PTPN4: variants seen among roughly 807,000 people sequenced by gnomAD.
PTPN4 encodes tyrosine-protein phosphatase non-receptor type 4.
In PTPN4, 49 loss-of-function variants were observed where a neutral mutation model predicts 135.5. The observed-to-expected ratio is 0.36, with a 90% CI of 0.29 to 0.46. The LOEUF is 0.46. Ranked by LOEUF, PTPN4 falls within the 20% of genes least tolerant of loss-of-function variation. The pLI is 1.00. For synonymous variants in PTPN4, 333 were observed against 369.9 expected (o/e 0.90, Z 1.14); for missense variants, 860 against 1,101.0 (o/e 0.78, Z 3.10).
chr2:119,824,286 G>C (rs1677114365), intron 2 of PTPN4, among the ~76,000 whole-genome samples: 1 of 152,106 alleles, frequency 6.6e-6, no homozygotes, highest in East Asian at 1.9e-4. Context: ...TTTTTGGGGG[G>C]GAGGCAGGGC....
rs201593836 is a variant in PTPN4 at position 119,946,293 on chromosome 2, G to C, written c.1516-48G>C. 246 of 1,394,820 alleles carry C rather than the reference G, an allele frequency of 1.8e-4. No individual in the cohort carries two copies. The African/African-American group carries it at 2.8e-3, about 16-fold the overall frequency. The allele number at this position is 1,394,820 out of a possible 1,614,324, so 86.4% of individuals were successfully genotyped here. Reference sequence around the variant, plus strand: ...ATGCTTCCTATATATCTGAAGAATAGATTTTAAGTGAAGAAAATTACAAGT... The same window carrying C: ...ATGCTTCCTATATATCTGAAGAATACATTTTAAGTGAAGAAAATTACAAGT... On this transcript the variant is annotated intron_variant, in intron 16 of 26. Transcript: ENST00000263708.
intron 2 of PTPN4, among the ~76,000 whole-genome samples, chr2:119,849,225 T>C (rs1274762152): frequency 2.6e-5 from 4 of 152,222 alleles, no homozygotes; most frequent in Non-Finnish European, 5.9e-5. Flanking sequence ...TGTTACCTGC[T>C]ATTTTTCTTC....
chr2:119,936,176 G>T (rs1021783643), intron 15 of PTPN4, among the ~76,000 whole-genome samples: 9 of 152,120 alleles, frequency 5.9e-5, no homozygotes, highest in Admixed American at 4.6e-4. Context: ...CTAATTTTGT[G>T]TATCTTTAGT....
chr2:119,906,554 A>C (rs1054638664), intron 10 of PTPN4, among the ~76,000 whole-genome samples: 2 of 152,222 alleles, frequency 1.3e-5, no homozygotes, highest in African/African-American at 4.8e-5. Context: ...AACAGATTGA[A>C]AACCAAAAAC....
intron 2 of PTPN4, among the ~76,000 whole-genome samples, chr2:119,848,630 T>A (rs1376488837): frequency 6.6e-6 from 1 of 152,126 alleles, no homozygotes; most frequent in African/African-American, 2.4e-5. Flanking sequence ...AGACAGAGTC[T>A]CACTCTGTCA....
chr2:119,932,526 A>G lies in PTPN4; in HGVS notation c.1173A>G (p.Arg391=). 6.2e-7 allele frequency: 1 copy of G among 1,611,964 alleles called. No homozygotes were observed. The highest frequency in any genetic ancestry group is 1.1e-5 in the South Asian group (1 of 90,646). The change falls in exon 14 of 27, where the codon CGA becomes CGG. Residue 391 remains arginine, a synonymous_variant. Transcript: ENST00000263708. ...DRLETQSLPS[R]SPPGTPNHRN... ...TAGAAACACAAAGTCTTCCATCACG[A>G]TCTCCACCGGGAACTCCTAATCAGT...
At chr2:119,929,542 A>G (rs1678871147) in intron 13 of PTPN4, among the ~76,000 whole-genome samples, 1 of 152,132 alleles carries the variant, frequency 6.6e-6, no homozygotes, top group Non-Finnish European at 1.5e-5. Flanking sequence ...CAGTTGTCAT[A>G]TAATATATCT....
At chr2:119,939,096 A>G (rs1679026802) in intron 15 of PTPN4, among the ~76,000 whole-genome samples, 1 of 152,242 alleles carries the variant, frequency 6.6e-6, no homozygotes, top group Non-Finnish European at 1.5e-5. Context: ...TGCTATAAGC[A>G]TATAATAATT....
chr2:119,853,405 T>C (rs1177991773), intron 2 of PTPN4, among the ~76,000 whole-genome samples: 6 of 152,168 alleles, frequency 3.9e-5, no homozygotes, highest in Non-Finnish European at 7.4e-5. Context: ...AATTTCATTT[T>C]TGTTTTTATA....
intron 2 of PTPN4, among the ~76,000 whole-genome samples, chr2:119,847,778 T>TC (rs1262771420): frequency 1.3e-5 from 2 of 152,226 alleles, no homozygotes; most frequent in African/African-American, 4.8e-5. Context: ...CAACAAATAC[T>TC]CTCAGTATTC....
At chr2:119,951,226 A>G (rs1276517584) in intron 18 of PTPN4, among the ~76,000 whole-genome samples, 6 of 152,268 alleles carry the variant, frequency 3.9e-5, no homozygotes, top group Admixed American at 1.3e-4. Flanking sequence ...AATATCTCCA[A>G]AAGTTCCTTT....
At chr2:119,960,007 T>TA (rs1358039615) in intron 22 of PTPN4, among the ~76,000 whole-genome samples, 61 of 152,188 alleles carry the variant, frequency 4.0e-4, no homozygotes, top group Non-Finnish European at 6.9e-4. Flanking sequence ...ATATATAGTA[T>TA]ACTACCATTT....
chr2:119,889,369 G>A (rs762235471), intron 9 of PTPN4, among the ~76,000 whole-genome samples: 55 of 152,232 alleles, frequency 3.6e-4, no homozygotes, highest in Admixed American at 7.8e-4. Context: ...GCAGTGAGCC[G>A]AGATGGCGCC....
chr2:119,938,620 C>T (rs1220174718), intron 15 of PTPN4, among the ~76,000 whole-genome samples: 2 of 151,930 alleles, frequency 1.3e-5, no homozygotes, highest in African/African-American at 4.8e-5. Context: ...GCTTTCTGTT[C>T]ATTAAAATAT....
chr2:119,826,052 T>G (rs1056890917), intron 2 of PTPN4, among the ~76,000 whole-genome samples: 3 of 152,216 alleles, frequency 2.0e-5, no homozygotes, highest in Non-Finnish European at 4.4e-5. Context: ...CACCTCAATT[T>G]TATAGGTCTG....
chr2:119,891,580 C>G (rs1474214384), intron 9 of PTPN4, among the ~76,000 whole-genome samples: 1 of 152,174 alleles, frequency 6.6e-6, no homozygotes, highest in Non-Finnish European at 1.5e-5. Flanking sequence ...CCACCTTGGC[C>G]TCCCAAAATG....
chr2:119,782,565 T>A (rs1690960932), intron 1 of PTPN4, among the ~76,000 whole-genome samples: 1 of 151,974 alleles, frequency 6.6e-6, no homozygotes, highest in South Asian at 2.1e-4. Flanking sequence ...AAGTTGAGGT[T>A]CAGAAAAATG....
chr2:119,845,732 A>G (rs550549405), intron 2 of PTPN4, among the ~76,000 whole-genome samples: 1 of 151,826 alleles, frequency 6.6e-6, no homozygotes, highest in African/African-American at 2.4e-5. Context: ...TTCTGCACTA[A>G]CTTTTCTTTC....
At chr2:119,824,133 T>C (rs941652505) in intron 2 of PTPN4, among the ~76,000 whole-genome samples, 1 of 152,232 alleles carries the variant, frequency 6.6e-6, no homozygotes, top group Non-Finnish European at 1.5e-5. Context: ...TAATGATTTC[T>C]ATTTCAATTC....
Sources: allele counts gnomAD v4.1 joint callset (sites outside exome capture counted in the v4.1 genomes callset), GRCh38; gene constraint gnomAD v4.1.1; transcripts MANE v1.5; gene names NCBI Gene and HGNC (gene_info 2026-07-23, HGNC 2026-07-21).